Variants in EXT1 observed in about 807,000 individuals in gnomAD.
The protein encoded by EXT1 is exostosin-1.
Under a neutral mutation model 82.5 loss-of-function variants are expected in EXT1, and 20 were observed. That is an observed-to-expected ratio of 0.24 (90% CI 0.17 to 0.35). EXT1 has a LOEUF of 0.35. EXT1 is among the 10% of genes least tolerant of loss of function. EXT1 has a pLI of 1.00. For synonymous variants in EXT1, 348 were observed against 350.8 expected (o/e 0.99, Z 0.09); for missense variants, 757 against 936.5 (o/e 0.81, Z 2.50).
At chr8:118,008,110 C>T (rs777467609) in intron 1 of EXT1, among the ~76,000 whole-genome samples, 1 of 152,152 alleles carries the variant, frequency 6.6e-6, no homozygotes, top group Non-Finnish European at 1.5e-5. Context: ...TGACGTTCCC[C>T]TCCCTGTGTC....
intron 1 of EXT1, among the ~76,000 whole-genome samples, chr8:117,859,727 ATGCATATGCATAGTAT>A (rs1271117763): frequency 6.6e-6 from 1 of 152,242 alleles, no homozygotes; most frequent in African/African-American, 2.4e-5. Flanking sequence ...TTTTGATTAT[ATGCATATGCATAGTAT>A]TTAACATCTT....
Position 117,878,437 on chromosome 8 carries a change from A to G in EXT1, c.963-41236T>C, listed in dbSNP as rs923226725. On this transcript the variant is annotated intron_variant, in intron 1 of 10. Coordinates refer to ENST00000378204, the MANE Select transcript of EXT1 (RefSeq NM_000127.3). ...TGACATAGCACATTTCATCGACCAAATATTTGGTGGTCATCTACTGTGTGC... is the reference window on the plus strand; with the variant it reads ...TGACATAGCACATTTCATCGACCAAGTATTTGGTGGTCATCTACTGTGTGC... Among the ~76,000 whole-genome samples, 3 of 152,328 alleles carry G rather than the reference A, an allele frequency of 2.0e-5. No individual in the cohort carries two copies. In the South Asian group the frequency reaches 6.2e-4, roughly 32 times the overall value.
At position 117,985,362 on chromosome 8, in the gene EXT1, G is replaced by A. The variant is rs1815295560; in HGVS notation, c.962+124723C>T. 2.6e-5 allele frequency among the ~76,000 whole-genome samples: 4 copies of A among 152,092 alleles called. No individual in the cohort carries two copies. In the South Asian group the frequency reaches 6.2e-4, roughly 24 times the overall value. ...TGATTTCAGAGAGAAAACCTCTAGC[G>A]GGCACCAATCCTGCCTGTTAATGCC... On this transcript the variant is annotated intron_variant, in intron 1 of 10. Transcript: ENST00000378204.
chr8:117,898,643 G>A (rs1181326801), intron 1 of EXT1, among the ~76,000 whole-genome samples: 1 of 152,172 alleles, frequency 6.6e-6, no homozygotes, highest in Non-Finnish European at 1.5e-5. Context: ...AGGTTTTTAA[G>A]TTAGAGCACA....
intron 1 of EXT1, among the ~76,000 whole-genome samples, chr8:118,032,122 ACT>A (rs1036163752): frequency 6.8e-5 from 3 of 43,868 alleles, no homozygotes; most frequent in South Asian, 7.4e-4. Context: ...TTTGGCCATT[ACT>A]CAATGGCCAA....
At chr8:117,856,253 T>A (rs1167634900) in intron 1 of EXT1, among the ~76,000 whole-genome samples, 1 of 133,548 alleles carries the variant, frequency 7.5e-6, no homozygotes, top group African/African-American at 2.8e-5. Context: ...AGGCTTTTTC[T>A]TTTTTTTTTT....
intron 1 of EXT1, among the ~76,000 whole-genome samples, chr8:118,068,379 T>C (rs1817028217): frequency 6.6e-6 from 1 of 152,246 alleles, no homozygotes; most frequent in Admixed American, 6.5e-5. Flanking sequence ...GTTTGTTACA[T>C]AGGTAAACAT....
At chr8:118,021,380 T>TA (rs2129857737) in intron 1 of EXT1, among the ~76,000 whole-genome samples, 1 of 152,350 alleles carries the variant, frequency 6.6e-6, no homozygotes, top group Admixed American at 6.5e-5. Context: ...GGTTACAAGA[T>TA]ATATGTTTTT....
At chr8:118,019,799 AC>A (rs1458410066) in intron 1 of EXT1, among the ~76,000 whole-genome samples, 1 of 152,200 alleles carries the variant, frequency 6.6e-6, no homozygotes, top group East Asian at 1.9e-4. Context: ...AAAGTTACCC[AC>A]TTGGTAAGTG....
intron 1 of EXT1, among the ~76,000 whole-genome samples, chr8:118,103,757 A>G (rs148417994): frequency 1.5e-3 from 230 of 152,286 alleles, no homozygotes; most frequent in African/African-American, 5.2e-3. Context: ...GAAGAACCCT[A>G]GGAGAGAATT....
At chr8:118,103,833 G>C (rs191896429) in intron 1 of EXT1, among the ~76,000 whole-genome samples, 1 of 152,168 alleles carries the variant, frequency 6.6e-6, no homozygotes, top group Non-Finnish European at 1.5e-5. Flanking sequence ...GGAGTTCAGT[G>C]CTTAAATGTC....
At chr8:117,990,046 G>C (rs1175428508) in intron 1 of EXT1, among the ~76,000 whole-genome samples, 1 of 152,132 alleles carries the variant, frequency 6.6e-6, no homozygotes, top group African/African-American at 2.4e-5. Context: ...GGTGGTATGA[G>C]CCTGTAATCC....
At chr8:118,067,769 G>A (rs569393498) in intron 1 of EXT1, among the ~76,000 whole-genome samples, 6 of 152,270 alleles carry the variant, frequency 3.9e-5, no homozygotes, top group Admixed American at 3.9e-4. Context: ...TCTTAACATA[G>A]GCTACTTCTG....
At chr8:117,845,462 C>G (rs907782193) in intron 1 of EXT1, among the ~76,000 whole-genome samples, 1 of 151,924 alleles carries the variant, frequency 6.6e-6, no homozygotes, top group African/African-American at 2.4e-5. Flanking sequence ...ACAACATGTA[C>G]CAGGTGTAGC....
At chr8:118,074,585 A>G (rs552281568) in intron 1 of EXT1, among the ~76,000 whole-genome samples, 27 of 151,834 alleles carry the variant, frequency 1.8e-4, no homozygotes, top group Non-Finnish European at 3.4e-4. Context: ...AAAAAAAAAA[A>G]AAGTCCCCAC....
chr8:117,934,279 T>C (rs1814116914), intron 1 of EXT1, among the ~76,000 whole-genome samples: 1 of 152,136 alleles, frequency 6.6e-6, no homozygotes, highest in Admixed American at 6.5e-5. Flanking sequence ...GGACTGTTTC[T>C]TGCTTTCAGG....
intron 1 of EXT1, among the ~76,000 whole-genome samples, chr8:117,981,497 A>G (rs1193229478): frequency 1.3e-5 from 2 of 152,222 alleles, no homozygotes; most frequent in Non-Finnish European, 2.9e-5. Flanking sequence ...CCAGGTCTCA[A>G]AGGGGCAAGG....
chr8:117,968,493 G>C (rs1814867465), intron 1 of EXT1, among the ~76,000 whole-genome samples: 1 of 150,220 alleles, frequency 6.7e-6, no homozygotes, highest in South Asian at 2.1e-4. Context: ...TTACCACAAA[G>C]TCTGTGCTCT....
intron 1 of EXT1, among the ~76,000 whole-genome samples, chr8:118,078,863 T>C (rs1817259191): frequency 6.6e-6 from 1 of 152,198 alleles, no homozygotes; most frequent in African/African-American, 2.4e-5. Context: ...ATCAGACTTT[T>C]GAGAACACAA....
Sources: gnomAD v4.1 joint callset for allele counts (sites outside exome capture counted in the v4.1 genomes callset) on GRCh38, gnomAD v4.1.1 for gene constraint, MANE v1.5 for transcripts, NCBI Gene and HGNC (gene_info 2026-07-23, HGNC 2026-07-21) for gene names.